Variants in TASOR2 observed in about 807,000 individuals in gnomAD.
TASOR2 encodes protein TASOR 2.
A neutral mutation model predicts 199.5 loss-of-function variants in TASOR2; 84 were observed. That is an observed-to-expected ratio of 0.42 (90% CI 0.35 to 0.50). TASOR2 has a LOEUF of 0.50. Ranked by LOEUF, TASOR2 falls within the 20% of genes least tolerant of loss-of-function variation. TASOR2 has a pLI of 0.02. For missense variants in TASOR2, 2,796 were observed against 2,835.9 expected, an observed-to-expected ratio of 0.99 and a Z score of 0.32; for synonymous variants, 1,103 against 1,046.6, an observed-to-expected ratio of 1.05 and a Z score of -1.04.
chr10:5,684,873 G>A (rs573415123), exon 1 of TASOR2: 2 of 397,706 alleles, frequency 5.0e-6, no homozygotes, highest in South Asian at 2.5e-4. Flanking sequence ...AGAGAAAGTC[G>A]GCATGTTCTC....
intron 13 of TASOR2, among the ~76,000 whole-genome samples, chr10:5,741,770 G>A (rs10737019): frequency 0.54 from 81,622 of 151,990 alleles, 22,576 homozygotes; most frequent in Middle Eastern, 0.66. Context: ...TCTATAATAA[G>A]TATTCTGTGT....
chr10:5,690,031 T>C lies in TASOR2; in HGVS notation c.-288+4856T>C, dbSNP rs1166290863. Among the ~76,000 whole-genome samples the C allele has an allele frequency of 1.3e-5, 2 of 152,274 alleles. No individual in the cohort carries two copies. Among genetic ancestry groups the C allele is most frequent in the South Asian group, 2.1e-4 (1 of 4,828 alleles). ...ATATTTTTATAGTTTTCAGATTTAT[T>C]GATATAAATTATACATGGTGATTTA... On this transcript the variant is annotated intron_variant, in intron 1 of 20. Coordinates refer to ENST00000328090, the Ensembl canonical transcript of TASOR2. This position sits in a 1 kb window ranked among gnomAD's most constrained non-coding sequence, Gnocchi z 4.8.
chr10:5,715,592 G>T (rs1344071085), intron 2 of TASOR2, among the ~76,000 whole-genome samples: 1 of 151,900 alleles, frequency 6.6e-6, no homozygotes, highest in Non-Finnish European at 1.5e-5. Context: ...CAGTCCTGCA[G>T]CACTTAACAA....
rs769380984 is a variant in TASOR2, at chr10:5,763,079, G to GTAT, written c.*49_*51dup. 1.0e-5 allele frequency: 16 copies of GTAT among 1,599,390 alleles called. No individual in the cohort carries two copies. The South Asian group carries it at 1.3e-4, about 13-fold the overall frequency. ...TATGGATGATGCCAATAAAAAATTA[G>GTAT]TATTTTCCCTTTGGAAAACTTGTGA... On this transcript the variant is annotated 3_prime_UTR_variant, in exon 21 of 21. Transcript: ENST00000328090.
intron 1 of TASOR2, among the ~76,000 whole-genome samples, chr10:5,686,470 A>T (rs781521926): frequency 6.6e-6 from 1 of 152,342 alleles, no homozygotes; most frequent in Non-Finnish European, 1.5e-5. Flanking sequence ...TTTTCAAGAT[A>T]TCCCTATAAC....
chr10:5,749,282 G>T, exon 15 of TASOR2: 1 of 1,614,220 alleles, frequency 6.2e-7, no homozygotes, highest in African/African-American at 1.3e-5. Flanking sequence ...AGTGCAAACT[G>T]TGGCCTGCCC....
chr10:5,752,846 G>A lies in TASOR2; in HGVS notation c.6606+2819G>A, dbSNP rs545261361. ...GCCAGAGGCTCAGGCTGGGCTGTGGGAGAGAACAGCCTCACGCCTCATATG... is the reference window on the plus strand; with the variant it reads ...GCCAGAGGCTCAGGCTGGGCTGTGGAAGAGAACAGCCTCACGCCTCATATG... On this transcript the variant is annotated intron_variant, in intron 15 of 20. Transcript: ENST00000328090. The surrounding 1 kb of genome is among the most constrained non-coding windows in gnomAD (Gnocchi z 4.4). Among the ~76,000 whole-genome samples, 1 of 152,306 alleles carries A rather than the reference G, an allele frequency of 6.6e-6. No homozygotes were observed. Among genetic ancestry groups the A allele is most frequent in the African/African-American group, 2.4e-5 (1 of 41,554 alleles).
At chr10:5,721,572 G>T (rs2131574147) in intron 6 of TASOR2, among the ~76,000 whole-genome samples, 1 of 152,120 alleles carries the variant, frequency 6.6e-6, no homozygotes, top group East Asian at 1.9e-4. Flanking sequence ...TTAAGAAGAG[G>T]TAGGAGTATA....
In TASOR2 at chr10:5,750,799, C is replaced by T. The variant is rs12571055; in HGVS notation, c.6606+772C>T. On this transcript the variant is annotated intron_variant, in intron 15 of 20. Transcript: ENST00000328090. This position sits in a 1 kb window ranked among gnomAD's most constrained non-coding sequence, Gnocchi z 5.4. The stretch of plus-strand genomic sequence containing the variant: ...GTTCAAGGATCCTCATCTTTTTAAC[C>T]ACAGAACAACCCTGTGCATCAGGAA... Among the ~76,000 whole-genome samples, 6,797 of 152,176 alleles carry T rather than the reference C, an allele frequency of 0.045. 685 individuals are homozygous for T. Among genetic ancestry groups the T allele is most frequent in the East Asian group, 0.44 (2,257 of 5,170 alleles).
chr10:5,695,181 T>C (rs1564249497), intron 1 of TASOR2, among the ~76,000 whole-genome samples: 1 of 152,234 alleles, frequency 6.6e-6, no homozygotes. Context: ...TACTAAACAC[T>C]ATGTGCTAGG....
Position 5,730,994 on chromosome 10 carries a change from C to T in TASOR2, c.995C>T (p.Ala332Val). The T allele has an allele frequency of 6.2e-7, 1 of 1,613,980 alleles. No homozygotes were observed. Reference sequence around the variant, plus strand: ...AAGGATTCTGAAGAAATGTTGAAAGCAAAGAAGAGAGTTTTTCCATTGAGT... The same window carrying T: ...AAGGATTCTGAAGAAATGTTGAAAGTAAAGAAGAGAGTTTTTCCATTGAGT... The change falls in exon 11 of 21, where the codon GCA becomes GTA. Residue 332 changes from alanine (A) to valine (V), a missense_variant. By Grantham distance (64) the Ala-to-Val change is moderately conservative. Transcript: ENST00000328090. This position sits in a 1 kb window ranked among gnomAD's most constrained non-coding sequence, Gnocchi z 4.1.
chr10:5,691,201 AAAAG>A (rs1438688592), intron 1 of TASOR2, among the ~76,000 whole-genome samples: 8 of 152,122 alleles, frequency 5.3e-5, no homozygotes, highest in African/African-American at 1.9e-4. Flanking sequence ...AAAAAAAAAA[AAAAG>A]AAAGTTATAT....
Position 5,712,871 on chromosome 10 carries a change from G to A in TASOR2, c.-239G>A, listed in dbSNP as rs565868943. ...AAAAGCAAGTAGTTATACTCAGGAA[G>A]AACTTCAAGACACTTACGGGTTTCT... On this transcript the variant is annotated 5_prime_UTR_variant, in exon 2 of 21. Coordinates refer to ENST00000328090, the Ensembl canonical transcript of TASOR2. 2.1e-5 allele frequency: 26 copies of A among 1,231,348 alleles called. No homozygotes were observed. The South Asian group carries it at 9.1e-4, about 43-fold the overall frequency. The allele number at this position is 1,231,348 out of a possible 1,614,324, so 76.3% of individuals were successfully genotyped here.
intron 1 of TASOR2, among the ~76,000 whole-genome samples, chr10:5,708,389 T>C (rs1831407299): frequency 6.6e-6 from 1 of 152,212 alleles, no homozygotes; most frequent in Admixed American, 6.5e-5. Flanking sequence ...TTTCTTGACA[T>C]AGCTCCATCT....
chr10:5,753,611 T>C (rs2797494), intron 15 of TASOR2, among the ~76,000 whole-genome samples: 129,165 of 152,144 alleles, frequency 0.85, 54,914 homozygotes, highest in African/African-American at 0.88. Context: ...CCGCCTACCT[T>C]GGCCTCCCAA....
rs60255716 is a variant in TASOR2 at position 5,728,340 on chromosome 10, A to T, written c.487+1217A>T. Among the ~76,000 whole-genome samples the T allele has an allele frequency of 6.1e-3, 929 of 152,252 alleles. 15 individuals are homozygous for T. The highest frequency in any genetic ancestry group is 0.045 in the South Asian group (216 of 4,822). On this transcript the variant is annotated intron_variant, in intron 10 of 20. Coordinates refer to ENST00000328090, the Ensembl canonical transcript of TASOR2. Reference sequence around the variant, plus strand: ...ATAAACATGTTTTTAAAGTTTTTTTAAAAAATTCAGTTACTGGCTAGGCAG... The same window carrying T: ...ATAAACATGTTTTTAAAGTTTTTTTTAAAAATTCAGTTACTGGCTAGGCAG...
At chr10:5,709,009 A>G (rs1287849586) in intron 1 of TASOR2, among the ~76,000 whole-genome samples, 1 of 152,078 alleles carries the variant, frequency 6.6e-6, no homozygotes, top group Non-Finnish European at 1.5e-5. Flanking sequence ...GCCTAATCTG[A>G]ACTTTTTTAA....
At chr10:5,736,636 G>A (rs1835644105) in intron 12 of TASOR2, among the ~76,000 whole-genome samples, 1 of 152,174 alleles carries the variant, frequency 6.6e-6, no homozygotes, top group African/African-American at 2.4e-5. Context: ...AAAGAATCAA[G>A]TTTAGTCACA....
rs745497451 is a variant in TASOR2, at chr10:5,720,671, A to G, written c.26+3A>G. 8 of 1,614,096 alleles carry G rather than the reference A, an allele frequency of 5.0e-6. No individual in the cohort carries two copies. In the South Asian group the frequency reaches 7.7e-5, roughly 16 times the overall value. ...GCACCACCAGCTCATAAAAGCATGT[A>G]AGTAATTATGTGCATGCTTTGTTTT... is the stretch of plus-strand genomic sequence containing the variant. On this transcript the variant is annotated splice_donor_region_variant and intron_variant, in intron 4 of 20. Coordinates refer to ENST00000328090, the Ensembl canonical transcript of TASOR2. The surrounding 1 kb of genome is among the most constrained non-coding windows in gnomAD (Gnocchi z 5.3).
Sources: gnomAD v4.1 joint callset for allele counts (sites outside exome capture counted in the v4.1 genomes callset) on GRCh38, gnomAD v4.1.1 for gene constraint, Gnocchi (gnomAD v3.1) non-coding constraint, MANE v1.5 for transcripts, NCBI Gene and HGNC (gene_info 2026-07-23, HGNC 2026-07-21) for gene names.